ACTR2: variants seen among roughly 807,000 people sequenced by gnomAD.
ACTR2 encodes the protein actin-related protein 2.
A neutral mutation model predicts 50.2 loss-of-function variants in ACTR2; 5 were observed. That is an observed-to-expected ratio of 0.10 (90% CI 0.05 to 0.21). ACTR2 has a LOEUF of 0.21. ACTR2 is among the 10% of genes least tolerant of loss of function. ACTR2 has a pLI of 1.00. For missense variants in ACTR2, 180 were observed against 480.6 expected (o/e 0.37, Z 5.85); for synonymous variants, 140 against 162.9 (o/e 0.86, Z 1.07).
chr2:65,234,137 C>G (rs1250378308), intron 1 of ACTR2, among the ~76,000 whole-genome samples: 1 of 152,098 alleles, frequency 6.6e-6, no homozygotes, highest in African/African-American at 2.4e-5. Flanking sequence ...GTCTCGAACT[C>G]CTGGGCCCAA....
intron 1 of ACTR2, among the ~76,000 whole-genome samples, chr2:65,237,125 G>A (rs1671753947): frequency 6.6e-6 from 1 of 152,164 alleles, no homozygotes; most frequent in South Asian, 2.1e-4. Flanking sequence ...TAAACACAGT[G>A]TAGCTAACAT....
At chr2:65,230,828 A>G (rs971435818) in intron 1 of ACTR2, among the ~76,000 whole-genome samples, 1 of 151,896 alleles carries the variant, frequency 6.6e-6, no homozygotes, top group African/African-American at 2.4e-5. Context: ...CCGAGGTAGG[A>G]GGTTCACTTG....
At chr2:65,246,789 T>A in intron 3 of ACTR2, 50 bp downstream of exon 3, 1 of 1,246,084 alleles carries the variant, frequency 8.0e-7, no homozygotes, top group Non-Finnish European at 1.1e-6. Flanking sequence ...GATATTATGT[T>A]AAATCAAAAA....
intron 4 of ACTR2, among the ~76,000 whole-genome samples, chr2:65,253,365 C>G (rs1672088493): frequency 6.6e-6 from 1 of 151,898 alleles, no homozygotes; most frequent in Non-Finnish European, 1.5e-5. Context: ...ATGACTTGAA[C>G]CCAGGAAATG....
At chr2:65,231,344 C>T (rs184996596) in intron 1 of ACTR2, among the ~76,000 whole-genome samples, 7 of 152,112 alleles carry the variant, frequency 4.6e-5, no homozygotes, top group East Asian at 1.9e-4. Flanking sequence ...GACTAGGAAC[C>T]GCTTAGATTG....
At chr2:65,266,284 A>C (rs144408049) in intron 8 of ACTR2, among the ~76,000 whole-genome samples, 2 of 152,340 alleles carry the variant, frequency 1.3e-5, no homozygotes, top group East Asian at 3.9e-4. Flanking sequence ...AACTGTGATC[A>C]GGAAAGGCCT....
intron 2 of ACTR2, chr2:65,241,990 CT>C: frequency 2.5e-6 from 4 of 1,597,560 alleles, no homozygotes; most frequent in African/African-American, 1.3e-5. Flanking sequence ...TTATTTAGGC[CT>C]TTTCTGACTC....
At chr2:65,258,370 G>A (rs1036346695) in intron 6 of ACTR2, among the ~76,000 whole-genome samples, 4 of 152,062 alleles carry the variant, frequency 2.6e-5, no homozygotes, top group Non-Finnish European at 4.4e-5. Flanking sequence ...GAGGCCAGGA[G>A]TTCATGGCCA....
chr2:65,267,408 G>C (rs1257791809), intron 8 of ACTR2, among the ~76,000 whole-genome samples: 4 of 152,102 alleles, frequency 2.6e-5, no homozygotes, highest in African/African-American at 9.7e-5. Flanking sequence ...TAAATAAACT[G>C]ATGTTTTTCT....
intron 7 of ACTR2, among the ~76,000 whole-genome samples, chr2:65,263,913 G>A (rs1483083740): frequency 6.6e-6 from 1 of 152,106 alleles, no homozygotes; most frequent in African/African-American, 2.4e-5. Flanking sequence ...AAATTAGCTG[G>A]GTGTGGTGAC....
chr2:65,249,912 T>C (rs1672011471), intron 3 of ACTR2, among the ~76,000 whole-genome samples: 1 of 152,210 alleles, frequency 6.6e-6, no homozygotes, highest in Non-Finnish European at 1.5e-5. Flanking sequence ...TTGATTTTTG[T>C]CTTTGCCGTG....
intron 8 of ACTR2, among the ~76,000 whole-genome samples, chr2:65,266,883 G>A (rs1672381615): frequency 6.6e-6 from 1 of 152,176 alleles, no homozygotes; most frequent in Non-Finnish European, 1.5e-5. Flanking sequence ...TTGACAGCAG[G>A]TGCAATTTGT....
intron 1 of ACTR2, among the ~76,000 whole-genome samples, chr2:65,232,935 A>G (rs141477574): frequency 6.6e-6 from 1 of 152,256 alleles, no homozygotes; most frequent in Non-Finnish European, 1.5e-5. Context: ...GATGATACCA[A>G]TGATACCAAA....
At chr2:65,240,831 G>A (rs1024944412) in intron 2 of ACTR2, among the ~76,000 whole-genome samples, 2 of 152,134 alleles carry the variant, frequency 1.3e-5, no homozygotes, top group African/African-American at 4.8e-5. Context: ...TCAGTGTAAG[G>A]TTATGAGTCA....
Position 65,255,594 on chromosome 2 carries a change from C to T in ACTR2, c.635C>T (p.Thr212Met). 2 of 1,613,908 alleles carry T rather than the reference C, an allele frequency of 1.2e-6. No homozygotes were observed. The highest frequency in any genetic ancestry group is 1.7e-6 in the Non-Finnish European group (2 of 1,179,888). The change falls in exon 6 of 9, where the codon ACG becomes ATG. Residue 212 changes from threonine to methionine, a missense_variant. By Grantham distance (81) the Thr-to-Met change is moderately conservative. Transcript: ENST00000260641. Reference sequence around the variant, plus strand: ...TTCAACCACTCTGCTGATTTTGAAACGGTTCGCATGATTAAAGAAAAACTG... The same window carrying T: ...TTCAACCACTCTGCTGATTTTGAAATGGTTCGCATGATTAAAGAAAAACTG... ...YAFNHSADFE[T>M]VRMIKEKLCY...
intron 7 of ACTR2, among the ~76,000 whole-genome samples, chr2:65,263,753 A>G (rs1054389809): frequency 1.3e-5 from 2 of 152,222 alleles, no homozygotes; most frequent in African/African-American, 2.4e-5. Flanking sequence ...TTAAAAGTAC[A>G]TGCCAGCTGG....
chr2:65,245,177 CT>C (rs553752025), intron 2 of ACTR2, among the ~76,000 whole-genome samples: 15 of 146,486 alleles, frequency 1.0e-4, no homozygotes, highest in African/African-American at 1.0e-4. Context: ...TTTTCTTTTT[CT>C]TTTTTTTTTA....
chr2:65,246,793 T>C, intron 3 of ACTR2, 54 bp downstream of exon 3: 1 of 1,213,976 alleles, frequency 8.2e-7, no homozygotes, highest in Non-Finnish European at 1.1e-6. Flanking sequence ...TTATGTTAAA[T>C]CAAAAATTTT....
chr2:65,240,659 G>C (rs1671823385), intron 2 of ACTR2, among the ~76,000 whole-genome samples: 1 of 152,186 alleles, frequency 6.6e-6, no homozygotes, highest in Non-Finnish European at 1.5e-5. Context: ...TGACAAGAAA[G>C]AGAACAGTGA....
Sources: gnomAD v4.1 joint callset for allele counts (sites outside exome capture counted in the v4.1 genomes callset) on GRCh38, gnomAD v4.1.1 for gene constraint, MANE v1.5 for transcripts, NCBI Gene and HGNC (gene_info 2026-07-23, HGNC 2026-07-21) for gene names.